The following CNTNAP5 variants were observed in gnomAD, a reference collection of about 807,000 sequenced individuals.
CNTNAP5 encodes the protein contactin associated protein family member 5, also known as contactin-associated protein-like 5.
Under a neutral mutation model 150.2 loss-of-function variants are expected in CNTNAP5, and 72 were observed. That is an observed-to-expected ratio of 0.48 (90% confidence interval 0.40 to 0.58). The LOEUF (loss-of-function observed/expected upper bound fraction) is 0.58, where lower values mean the gene tolerates loss of function less well. Ranked by LOEUF, CNTNAP5 falls within the 20% of genes least tolerant of loss-of-function variation. The probability of loss-of-function intolerance (pLI) is 0.00; values close to 1 mark genes in which losing one functional copy is unlikely to be tolerated. For missense variants in CNTNAP5, 1,636 were observed against 1,626.2 expected (o/e 1.01, Z -0.10); for synonymous variants, 672 against 619.8 (o/e 1.08, Z -1.25).
intron 1 of CNTNAP5, among the ~76,000 whole-genome samples, chr2:124,201,171 G>A (rs1685718316): frequency 6.6e-6 from 1 of 152,142 alleles, no homozygotes; most frequent in African/African-American, 2.4e-5. Context: ...CTGAAGCACT[G>A]CTCGACCTGC....
At chr2:124,457,896 C>A (rs1013311275) in intron 6 of CNTNAP5, among the ~76,000 whole-genome samples, 2 of 151,654 alleles carry the variant, frequency 1.3e-5, no homozygotes, top group African/African-American at 4.8e-5. Context: ...TGGCCATAAT[C>A]AAAAAATCAA....
chr2:124,792,641 T>C (rs1681758444), intron 18 of CNTNAP5, among the ~76,000 whole-genome samples: 1 of 152,186 alleles, frequency 6.6e-6, no homozygotes, highest in Non-Finnish European at 1.5e-5. Flanking sequence ...AATATTTTCA[T>C]CATCTCAAAA....
At chr2:124,341,065 G>A (rs969487752) in intron 3 of CNTNAP5, among the ~76,000 whole-genome samples, 3 of 151,684 alleles carry the variant, frequency 2.0e-5, no homozygotes, top group Non-Finnish European at 4.4e-5. Flanking sequence ...GTGACACGGT[G>A]AGACCCTGTC....
chr2:124,261,552 C>T (rs893871920), intron 3 of CNTNAP5, among the ~76,000 whole-genome samples: 1 of 152,108 alleles, frequency 6.6e-6, no homozygotes, highest in African/African-American at 2.4e-5. Flanking sequence ...TACTCCTGCC[C>T]CAAGCACAAA....
chr2:124,206,924 A>G (rs1685879299), intron 1 of CNTNAP5, among the ~76,000 whole-genome samples: 1 of 152,176 alleles, frequency 6.6e-6, no homozygotes, highest in Non-Finnish European at 1.5e-5. Flanking sequence ...AGCACTATAC[A>G]GCCCAAATAT....
chr2:124,445,561 A>G (rs1171371419), intron 5 of CNTNAP5, among the ~76,000 whole-genome samples: 1 of 152,250 alleles, frequency 6.6e-6, no homozygotes, highest in Non-Finnish European at 1.5e-5. Flanking sequence ...TTTTCTAATT[A>G]TAATGAGTCT....
intron 21 of CNTNAP5, among the ~76,000 whole-genome samples, chr2:124,885,989 G>C (rs535425341): frequency 1.3e-5 from 2 of 151,982 alleles, no homozygotes; most frequent in East Asian, 3.9e-4. Flanking sequence ...ATCTCTGGGA[G>C]GGGATTTGTT....
At chr2:124,606,433 A>G (rs1697107805) in intron 11 of CNTNAP5, among the ~76,000 whole-genome samples, 1 of 152,200 alleles carries the variant, frequency 6.6e-6, no homozygotes, top group Admixed American at 6.5e-5. Flanking sequence ...TAACAGAAAA[A>G]TGAACTAAGA....
chr2:124,084,010 T>G (rs1682620871), intron 1 of CNTNAP5, among the ~76,000 whole-genome samples: 1 of 150,832 alleles, frequency 6.6e-6, no homozygotes, highest in Admixed American at 6.6e-5. Context: ...AATTTTCTAA[T>G]TCATGGACAC....
At chr2:124,721,554 T>C (rs1176479803) in intron 13 of CNTNAP5, among the ~76,000 whole-genome samples, 1 of 149,012 alleles carries the variant, frequency 6.7e-6, no homozygotes, top group Admixed American at 6.6e-5. Context: ...AAAAATTAAA[T>C]ATAGGGTGTC....
chr2:124,560,704 A>G (rs951303690), intron 10 of CNTNAP5, among the ~76,000 whole-genome samples: 9 of 152,236 alleles, frequency 5.9e-5, no homozygotes, highest in African/African-American at 2.2e-4. Context: ...AGCATCTAAT[A>G]TATATGAAAA....
intron 11 of CNTNAP5, among the ~76,000 whole-genome samples, chr2:124,589,826 A>G (rs1447248150): frequency 6.6e-6 from 1 of 152,200 alleles, no homozygotes; most frequent in Non-Finnish European, 1.5e-5. Context: ...TGCCATAATC[A>G]AGAAGCAGAA....
chr2:124,059,360 C>T (rs1010153262), intron 1 of CNTNAP5, among the ~76,000 whole-genome samples: 31 of 152,184 alleles, frequency 2.0e-4, no homozygotes, highest in African/African-American at 7.0e-4. Context: ...AGGTCTCCCT[C>T]TAATCACATA....
chr2:124,656,098 C>T (rs1354966855), intron 13 of CNTNAP5, among the ~76,000 whole-genome samples: 2 of 151,568 alleles, frequency 1.3e-5, no homozygotes, highest in Admixed American at 6.6e-5. Context: ...TGCCACTAGC[C>T]CACATTCCAG....
intron 17 of CNTNAP5, among the ~76,000 whole-genome samples, chr2:124,782,632 G>A (rs1157163554): frequency 1.3e-5 from 2 of 151,726 alleles, no homozygotes; most frequent in Non-Finnish European, 2.9e-5. Context: ...AATAATCACT[G>A]GCATTTAGCA....
intron 3 of CNTNAP5, among the ~76,000 whole-genome samples, chr2:124,385,827 G>T (rs1442954336): frequency 6.6e-6 from 1 of 152,140 alleles, no homozygotes; most frequent in Non-Finnish European, 1.5e-5. Flanking sequence ...CCCTGGAGGG[G>T]TTCACATTAT....
At chr2:124,275,456 T>C (rs1325344172) in intron 3 of CNTNAP5, among the ~76,000 whole-genome samples, 1 of 152,040 alleles carries the variant, frequency 6.6e-6, no homozygotes, top group Non-Finnish European at 1.5e-5. Flanking sequence ...GATCACCTCA[T>C]TGCCTAAATC....
In CNTNAP5 at chr2:124,798,076, T is replaced by C. The variant is rs751928956; in HGVS notation, c.2993-20T>C. ...GATCTAAAGGTTTCAATGTGTGCTC[T>C]CCCCTCTTATATTTTGCAGAGGTTT... is the stretch of plus-strand genomic sequence containing the variant. On this transcript the variant is annotated intron_variant, in intron 18 of 23. Transcript: ENST00000682447. The C allele has an allele frequency of 1.9e-6, 3 of 1,571,306 alleles. No homozygotes were observed. Among genetic ancestry groups the C allele is most frequent in the Non-Finnish European group, 2.6e-6 (3 of 1,150,674 alleles).
chr2:124,226,482 C>G (rs1184307915), intron 2 of CNTNAP5, among the ~76,000 whole-genome samples: 2 of 152,008 alleles, frequency 1.3e-5, no homozygotes, highest in Non-Finnish European at 2.9e-5. Flanking sequence ...TGTACTTGTT[C>G]TTTAAATGTT....
Sources: allele counts gnomAD v4.1 joint callset (sites outside exome capture counted in the v4.1 genomes callset), GRCh38; gene constraint gnomAD v4.1.1; transcripts MANE v1.5; gene names NCBI Gene and HGNC (gene_info 2026-07-23, HGNC 2026-07-21).